PRMT2: variants seen among roughly 807,000 people sequenced by gnomAD.
The protein encoded by PRMT2 is protein arginine N-methyltransferase 2.
In PRMT2, 26 loss-of-function variants were observed where a neutral mutation model predicts 57.6. The ratio of observed to expected loss-of-function variants is 0.45; its 90% confidence interval spans 0.33 to 0.63. The LOEUF (loss-of-function observed/expected upper bound fraction) is 0.63. Among genes scored for constraint, PRMT2 ranks in the 20% least tolerant of loss-of-function variants. The pLI is 0.02. For missense variants in PRMT2, 472 were observed against 564.4 expected, an observed-to-expected ratio of 0.84 and a Z score of 1.66; for synonymous variants, 219 against 220.0, an observed-to-expected ratio of 1.00 and a Z score of 0.04.
At chr21:46,643,401 C>T in intron 3 of PRMT2, 134 bp from the exon 4 acceptor site, 12 of 1,281,144 alleles carry the variant, frequency 9.4e-6, no homozygotes, top group Non-Finnish European at 1.2e-5. Context: ...AAAGATGATC[C>T]AAATAGTTTG....
At position 46,663,552 on chromosome 21, in the gene PRMT2, AAAGT is replaced by A; in HGVS notation, c.1269+2_1269+5del. The A allele has an allele frequency of 1.2e-6, 2 of 1,613,564 alleles. No homozygotes were observed. Among genetic ancestry groups the A allele is most frequent in the Non-Finnish European group, 1.7e-6 (2 of 1,179,522 alleles). ...TTCCAGACAAGACCCCACATCTCAA[AAAGT>A]AAGATACGTAGTTGTAAGATTCTGT... On this transcript the variant is annotated splice_donor_variant and coding_sequence_variant, in exon 11 of 12. Transcript: ENST00000355680. LOFTEE classifies it high-confidence loss of function.
chr21:46,659,220 T>A, intron 8 of PRMT2: 3 of 1,130,492 alleles, frequency 2.7e-6, no homozygotes, highest in Non-Finnish European at 3.3e-6. Flanking sequence ...AGCAGTTGAT[T>A]AGCCCTTGTT....
chr21:46,638,335 T>C (rs1368909201), intron 3 of PRMT2, among the ~76,000 whole-genome samples: 1 of 152,250 alleles, frequency 6.6e-6, no homozygotes, highest in African/African-American at 2.4e-5. Context: ...TTTGTAGATA[T>C]GTGTATGGGC....
intron 8 of PRMT2, 94 bp from the exon 9 acceptor site, chr21:46,660,737 CAG>C (rs746997662): frequency 9.6e-6 from 14 of 1,458,012 alleles, no homozygotes; most frequent in Non-Finnish European, 1.3e-5. Context: ...CCTGGTGACA[CAG>C]AAGGGAGAGC....
chr21:46,635,860 A>G (rs1033381820), intron 1 of PRMT2, 97 bp downstream of exon 1: 5 of 152,482 alleles, frequency 3.3e-5, no homozygotes, highest in Admixed American at 2.6e-4. Flanking sequence ...TCGCTGGCGG[A>G]CAGAGGCCTC....
chr21:46,651,619 C>G (rs1372839220), intron 7 of PRMT2, among the ~76,000 whole-genome samples: 1 of 151,946 alleles, frequency 6.6e-6, no homozygotes, highest in Non-Finnish European at 1.5e-5. Flanking sequence ...GACTCCCCCC[C>G]AGGGAGACTG....
At chr21:46,642,169 C>T (rs948611932) in intron 3 of PRMT2, among the ~76,000 whole-genome samples, 8 of 152,148 alleles carry the variant, frequency 5.3e-5, no homozygotes, top group African/African-American at 1.9e-4. Flanking sequence ...CACATAGTCT[C>T]AGTCCATCAG....
chr21:46,643,574 C>G lies in PRMT2; in HGVS notation c.79C>G (p.Gln27Glu). The G allele has an allele frequency of 6.2e-7, 1 of 1,609,336 alleles. No individual in the cohort carries two copies. The highest frequency in any genetic ancestry group is 8.5e-7 in the Non-Finnish European group (1 of 1,178,520). ...TGAGTGCAGTGAGGCCGGTCTCCTG[C>G]AGGAGGGAGTACAGCCAGAGGAGTT... ...PAECSEAGLL[Q>E]EGVQPEEFVA... The change falls in exon 4 of 12, where the codon CAG (glutamine) becomes GAG (glutamate). Residue 27 changes from glutamine to glutamate, a missense_variant. By Grantham distance (29) the Gln-to-Glu change is conservative. Around this residue, in one of 2 missense-constraint regions of PRMT2, gnomAD observed 243 missense variants for 347.2 expected, o/e 0.70. Coordinates refer to ENST00000355680, the MANE Select transcript of PRMT2 (RefSeq NM_206962.4).
In PRMT2 at chr21:46,658,891, C is replaced by T. The variant is rs781148398; in HGVS notation, c.801C>T (p.Asn267=). Residue 267 remains asparagine, a synonymous_variant, in exon 8 of 12, where the codon AAC becomes AAT. Coordinates refer to ENST00000355680, the MANE Select transcript of PRMT2 (RefSeq NM_206962.4). ...GTAGCAAGGTGCTCTTCTGGGACAA[C>T]GCGTACGAGTTCAACCTCAGCGCTC... ...DYRSKVLFWD[N]AYEFNLSALK... 29 of 1,613,998 alleles carry T rather than the reference C, an allele frequency of 1.8e-5. No homozygotes were observed. The highest frequency in any genetic ancestry group is 1.6e-4 in the Middle Eastern group (1 of 6,084).
rs750257013 is a variant in PRMT2, at chr21:46,661,801, C to T, written c.962C>T (p.Thr321Ile). 8 of 1,428,188 alleles carry T rather than the reference C, an allele frequency of 5.6e-6. No homozygotes were observed. The highest frequency in any genetic ancestry group is 1.5e-5 in the South Asian group (1 of 67,332). 88.5% of individuals were successfully genotyped at this position (1,428,188 alleles called of 1,614,324 possible). A position where few individuals can be genotyped will look rare whatever the true frequency, so the allele number is the denominator to read the frequency against. The change falls in exon 10 of 12, where the codon ACC becomes ATC. Residue 321 changes from threonine (T) to isoleucine (I), a missense_variant and splice_region_variant. By Grantham distance (89) the Thr-to-Ile change is moderately conservative. Coordinates refer to ENST00000355680, the MANE Select transcript of PRMT2 (RefSeq NM_206962.4). ...TGCCTTGTCATCTGCTTGACCCAGACCCTGAGGGGCGAGCTGCGCTTCGAC... is the reference window on the plus strand; with the variant it reads ...TGCCTTGTCATCTGCTTGACCCAGATCCTGAGGGGCGAGCTGCGCTTCGAC... Reference protein sequence around the residue: ...MRTVQISDLETLRGELRFDIR... With the variant: ...MRTVQISDLEILRGELRFDIR...
intron 7 of PRMT2, chr21:46,658,057 G>A (rs1023502984): frequency 2.0e-5 from 3 of 152,314 alleles, no homozygotes; most frequent in Non-Finnish European, 4.4e-5. Context: ...ATCAACTACA[G>A]GATGAAGTGC....
At chr21:46,650,731 G>A (rs2061437190) in intron 7 of PRMT2, among the ~76,000 whole-genome samples, 1 of 152,336 alleles carries the variant, frequency 6.6e-6, no homozygotes, top group Non-Finnish European at 1.5e-5. Context: ...GGCCAAGGTT[G>A]TGTGGGCGGT....
At chr21:46,636,697 A>T in intron 2 of PRMT2, 150 bp downstream of exon 2, 1 of 497,332 alleles carries the variant, frequency 2.0e-6, no homozygotes, top group Non-Finnish European at 3.6e-6. Flanking sequence ...AGTGAAGAAA[A>T]CACACTATTT....
chr21:46,647,018 A>G (rs982753986), intron 5 of PRMT2, among the ~76,000 whole-genome samples: 6 of 152,208 alleles, frequency 3.9e-5, no homozygotes, highest in Non-Finnish European at 7.3e-5. Flanking sequence ...TGGCCTCTTA[A>G]TGCCATCACA....
chr21:46,635,865 G>C (rs2061158565), intron 1 of PRMT2, 102 bp downstream of exon 1: 2 of 152,402 alleles, frequency 1.3e-5, no homozygotes, highest in Non-Finnish European at 2.9e-5. Flanking sequence ...GGCGGACAGA[G>C]GCCTCCGCCC....
intron 3 of PRMT2, among the ~76,000 whole-genome samples, chr21:46,637,519 T>C (rs973913572): frequency 2.0e-5 from 3 of 152,340 alleles, no homozygotes; most frequent in African/African-American, 4.8e-5. Flanking sequence ...GTTATGTCAA[T>C]TTTAATGTTT....
chr21:46,637,761 GTA>G (rs1171763929), intron 3 of PRMT2, among the ~76,000 whole-genome samples: 1 of 150,444 alleles, frequency 6.6e-6, no homozygotes, highest in Non-Finnish European at 1.5e-5. Flanking sequence ...ATATGTGTGT[GTA>G]TATACATATA....
In PRMT2 at chr21:46,663,634, A is replaced by G. The variant is rs112708689; in HGVS notation, c.1269+80A>G. On this transcript the variant is annotated intron_variant, in intron 11 of 11. Transcript: ENST00000355680. ...AGGCCTGGGTGGTGGTAGTGATGGC[A>G]GATGCTGGCCCACACTGGGGTCCAC... 1.8e-5 allele frequency: 26 copies of G among 1,457,008 alleles called. No homozygotes were observed. In the African/African-American group the frequency reaches 2.4e-4, roughly 13 times the overall value. 90.3% of individuals were successfully genotyped at this position (1,457,008 alleles called of 1,614,324 possible). A position where few individuals can be genotyped will look rare whatever the true frequency, so the allele number is the denominator to read the frequency against.
intron 8 of PRMT2, chr21:46,659,326 T>C (rs1336091305): frequency 1.0e-5 from 10 of 991,542 alleles, no homozygotes; most frequent in Non-Finnish European, 1.2e-5. Flanking sequence ...GGTGGAGAAA[T>C]GAGCAGCAAC....
Sources: allele counts gnomAD v4.1 joint callset (sites outside exome capture counted in the v4.1 genomes callset), GRCh38; gene constraint gnomAD v4.1.1; regional missense constraint gnomAD v4.1.1; transcripts MANE v1.5; gene names NCBI Gene and HGNC (gene_info 2026-07-23, HGNC 2026-07-21).